Variants in DCT observed in about 807,000 individuals in gnomAD.
DCT encodes the protein L-dopachrome tautomerase.
In DCT, 47 loss-of-function variants were observed where a neutral mutation model predicts 53.0. The observed-to-expected ratio is 0.89, with a 90% CI of 0.70 to 1.13. DCT has a LOEUF of 1.13. DCT is among the 50% of genes most tolerant of loss of function. DCT has a pLI of 0.00. For synonymous variants in DCT, 244 were observed against 237.0 expected (o/e 1.03, Z -0.27); for missense variants, 669 against 637.4 (o/e 1.05, Z -0.53).
chr13:94,452,642 AAGCAAACGATT>A (rs1306408601), intron 6 of DCT: 1 of 767,750 alleles, frequency 1.3e-6, no homozygotes, highest in Non-Finnish European at 2.4e-6. Context: ...TAGCATTGTA[AAGCAAACGATT>A]AGAAATCACC....
chr13:94,525,225 C>T, the DCT span, among the ~76,000 whole-genome samples: 28 of 152,084 alleles, frequency 1.8e-4, no homozygotes, highest in Admixed American at 1.1e-3. Flanking sequence ...TTCAGCCTCC[C>T]GAGTAGCTGG....
the DCT span, among the ~76,000 whole-genome samples, chr13:94,547,984 A>AAAAAAAAAAATATAT: frequency 7.6e-5 from 5 of 65,820 alleles, no homozygotes; most frequent in African/African-American, 3.9e-4. Context: ...AAAAAAAAAA[A>AAAAAAAAAAATATAT]ATATATATAT....
chr13:94,501,321 T>C, the DCT span, among the ~76,000 whole-genome samples: 1 of 152,130 alleles, frequency 6.6e-6, no homozygotes, highest in Non-Finnish European at 1.5e-5. Flanking sequence ...TTTGGAAATG[T>C]TCATCTCTCT....
chr13:94,539,258 G>A, the DCT span, among the ~76,000 whole-genome samples: 10 of 152,148 alleles, frequency 6.6e-5, no homozygotes, highest in African/African-American at 1.2e-4. Flanking sequence ...CAAGCTCTCA[G>A]GATGGTCAGA....
the DCT span, among the ~76,000 whole-genome samples, chr13:94,514,694 A>G: frequency 1.3e-5 from 2 of 152,206 alleles, no homozygotes; most frequent in African/African-American, 4.8e-5. Context: ...GGTTCCCTCA[A>G]TATGGCTGCA....
intron 6 of DCT, among the ~76,000 whole-genome samples, chr13:94,451,594 T>C (rs1006754770): frequency 1.3e-5 from 2 of 152,212 alleles, no homozygotes; most frequent in Admixed American, 1.3e-4. Context: ...GTTTACTATA[T>C]ACAGATTTGT....
chr13:94,506,836 C>A, the DCT span, among the ~76,000 whole-genome samples: 24 of 152,270 alleles, frequency 1.6e-4, no homozygotes, highest in African/African-American at 5.1e-4. Flanking sequence ...TCATGTACAT[C>A]CTGTTATTCA....
At chr13:94,447,421 T>A (rs1022584960) in intron 6 of DCT, among the ~76,000 whole-genome samples, 5 of 152,176 alleles carry the variant, frequency 3.3e-5, no homozygotes, top group African/African-American at 1.2e-4. Flanking sequence ...ATGCTGCTGA[T>A]CTGACAGGAG....
the DCT span, among the ~76,000 whole-genome samples, chr13:94,547,984 A>AAAAAAAAAAATAT: frequency 1.5e-5 from 1 of 65,820 alleles, no homozygotes; most frequent in African/African-American, 1.3e-4. Context: ...AAAAAAAAAA[A>AAAAAAAAAAATAT]ATATATATAT....
the DCT span, among the ~76,000 whole-genome samples, chr13:94,534,660 G>A: frequency 4.0e-3 from 615 of 152,324 alleles, 1 homozygote; most frequent in Middle Eastern, 0.02. Context: ...GAAAGCACAG[G>A]CTAAATCAAG....
the DCT span, among the ~76,000 whole-genome samples, chr13:94,527,002 T>C: frequency 1.3e-5 from 2 of 152,100 alleles, no homozygotes; most frequent in African/African-American, 2.4e-5. Context: ...GCCACGCCCA[T>C]GGAGCCTTGC....
the DCT span, among the ~76,000 whole-genome samples, chr13:94,548,596 T>C: frequency 2.0e-5 from 3 of 152,148 alleles, no homozygotes; most frequent in Admixed American, 1.3e-4. Context: ...CCATACAAGA[T>C]AACATCAGGT....
the DCT span, among the ~76,000 whole-genome samples, chr13:94,542,264 T>C: frequency 6.6e-6 from 1 of 152,178 alleles, no homozygotes; most frequent in Non-Finnish European, 1.5e-5. Flanking sequence ...TATTGGCTCA[T>C]TGTAGCCTCC....
chr13:94,547,826 C>T, the DCT span, among the ~76,000 whole-genome samples: 3 of 151,394 alleles, frequency 2.0e-5, no homozygotes, highest in African/African-American at 7.3e-5. Context: ...CCCATCTCTA[C>T]AAAAAATGCA....
At chr13:94,442,994 T>C (rs1882449657) in intron 7 of DCT, among the ~76,000 whole-genome samples, 1 of 152,238 alleles carries the variant, frequency 6.6e-6, no homozygotes. Context: ...GCAAATGTTG[T>C]ACTTTCCTCA....
chr13:94,471,205 T>C (rs1884625361), intron 1 of DCT, among the ~76,000 whole-genome samples: 1 of 152,222 alleles, frequency 6.6e-6, no homozygotes, highest in Non-Finnish European at 1.5e-5. Flanking sequence ...ACAGGCTTCC[T>C]TTTCTACAGT....
chr13:94,461,878 T>G, intron 5 of DCT, 132 bp downstream of exon 5: 1 of 687,562 alleles, frequency 1.5e-6, no homozygotes, highest in Non-Finnish European at 2.4e-6. Context: ...CTAACTTCTC[T>G]CGTTAGGCCT....
the DCT span, among the ~76,000 whole-genome samples, chr13:94,527,816 A>G: frequency 6.6e-6 from 1 of 152,222 alleles, no homozygotes; most frequent in Admixed American, 6.5e-5. Context: ...TCAGCTTCAG[A>G]AGGTCGGTAA....
Position 94,441,959 on chromosome 13 carries a change from C to T in DCT, c.1381+1477G>A, listed in dbSNP as rs555188865. 2.0e-4 allele frequency among the ~76,000 whole-genome samples: 30 copies of T among 152,260 alleles called. 1 individual carries two copies. The Middle Eastern group carries it at 0.014, about 69-fold the overall frequency. On this transcript the variant is annotated intron_variant, in intron 7 of 7. Coordinates refer to ENST00000377028, the MANE Select transcript of DCT (RefSeq NM_001922.5). ...GTGGCTGCACCATTTTACATTCCCA[C>T]CAGCAATGCACAAGGATTCCAATTT...
Sources: gnomAD v4.1 joint callset for allele counts (sites outside exome capture counted in the v4.1 genomes callset) on GRCh38, gnomAD v4.1.1 for gene constraint, MANE v1.5 for transcripts, NCBI Gene and HGNC (gene_info 2026-07-23, HGNC 2026-07-21) for gene names.